The following DMD variants were observed in gnomAD, a reference collection of about 807,000 sequenced individuals.
DMD encodes the protein dystrophin, also known as mutant dystrophin.
Under a neutral mutation model 330.1 loss-of-function variants are expected in DMD, and 63 were observed. The ratio of observed to expected loss-of-function variants is 0.19; its 90% CI spans 0.16 to 0.24. The LOEUF is 0.24. Among genes scored for constraint, DMD ranks in the 10% least tolerant of loss-of-function variants. The pLI is 1.00. For missense variants in DMD, 3,344 were observed against 2,684.1 expected, an observed-to-expected ratio of 1.25 and a Z score of -5.43; for synonymous variants, 1,223 against 959.8, an observed-to-expected ratio of 1.27 and a Z score of -5.07.
chrX:31,663,349 C>A (rs2081242399), intron 53 of DMD, among the ~76,000 whole-genome samples: 2 of 110,737 alleles, frequency 1.8e-5, no homozygotes, highest in Admixed American at 1.9e-4. Flanking sequence ...CCTGAAGTTG[C>A]TAAACTCTGG....
intron 9 of DMD, among the ~76,000 whole-genome samples, chrX:32,649,571 A>C (rs2060009543): frequency 9.4e-6 from 1 of 106,299 alleles, no homozygotes. Flanking sequence ...AAAAAAAAAA[A>C]AAAAAAAAAA....
intron 20 of DMD, among the ~76,000 whole-genome samples, chrX:32,487,416 T>A (rs1336145803): frequency 9.0e-6 from 1 of 111,231 alleles, no homozygotes; most frequent in African/African-American, 3.3e-5. Flanking sequence ...AATTGAAATT[T>A]AAAAATTGGA....
At chrX:31,686,618 G>A (rs1307447213) in intron 52 of DMD, among the ~76,000 whole-genome samples, 1 of 111,867 alleles carries the variant, frequency 8.9e-6, no homozygotes, top group Non-Finnish European at 1.9e-5. Flanking sequence ...AAAAGATATG[G>A]GAGGGTCAAA....
intron 9 of DMD, among the ~76,000 whole-genome samples, chrX:32,680,324 G>A (rs191198626): frequency 9.0e-6 from 1 of 111,216 alleles, no homozygotes; most frequent in African/African-American, 3.3e-5. Context: ...ACATCACTAA[G>A]AACTTCAAAT....
At chrX:31,253,756 C>A (rs2049646237) in intron 63 of DMD, among the ~76,000 whole-genome samples, 1 of 111,816 alleles carries the variant, frequency 8.9e-6, no homozygotes, top group South Asian at 3.8e-4. Context: ...CCCAGCAGAC[C>A]CTAAAATTAA....
rs757285608 is a variant in DMD, at chrX:33,219,854, A to G, written c.7+119405T>C. Among the ~76,000 whole-genome samples the G allele has an allele frequency of 5.4e-5, 6 of 111,453 alleles. No individual in the cohort carries two copies. The East Asian group carries it at 8.5e-4, about 16-fold the overall frequency. ...ATGGGGTATTAGTGAAGATCCTGGT[A>G]GGAAATATAGGTAGCAGATTCAAAA... On this transcript the variant is annotated intron_variant, in intron 1 of 17. Transcript: ENST00000288447.
chrX:31,955,848 A>G (rs140821300), intron 45 of DMD, among the ~76,000 whole-genome samples: 1 of 112,087 alleles, frequency 8.9e-6, no homozygotes, highest in Non-Finnish European at 1.9e-5. Flanking sequence ...GAAGCTACAT[A>G]TGTAGGTCTA....
intron 1 of DMD, among the ~76,000 whole-genome samples, chrX:33,277,822 TAGAGACCAG>T (rs2053259795): frequency 9.0e-6 from 1 of 111,392 alleles, no homozygotes; most frequent in Non-Finnish European, 1.9e-5. Context: ...GTTACACAAA[TAGAGACCAG>T]ATGCAGTGGC....
At chrX:32,701,145 A>G (rs1019173243) in intron 7 of DMD, among the ~76,000 whole-genome samples, 34 of 112,017 alleles carry the variant, frequency 3.0e-4, no homozygotes, top group African/African-American at 1.1e-3. Context: ...GGAGCTCTGC[A>G]TTTGCAATAG....
intron 29 of DMD, among the ~76,000 whole-genome samples, chrX:32,428,919 T>C (rs2098224383): frequency 8.9e-6 from 1 of 111,766 alleles, no homozygotes; most frequent in African/African-American, 3.2e-5. Context: ...GCCAGGTATG[T>C]ACAAGTTTTA....
chrX:32,189,075 A>G (rs1384533302), intron 44 of DMD, among the ~76,000 whole-genome samples: 2 of 111,059 alleles, frequency 1.8e-5, no homozygotes, highest in African/African-American at 6.5e-5. Context: ...AAAAGCTATT[A>G]TGTATCTATT....
chrX:31,434,409 AGC>A (rs1235059344), intron 60 of DMD, among the ~76,000 whole-genome samples: 6 of 61,302 alleles, frequency 9.8e-5, no homozygotes, highest in African/African-American at 1.6e-4. Context: ...CCCTTACTGC[AGC>A]GCGCGCGCAC....
Position 32,499,316 on chromosome X carries a change from C to G in DMD, c.2380+2439G>C, listed in dbSNP as rs182807166. Among the ~76,000 whole-genome samples, 271 of 111,542 alleles carry G rather than the reference C, an allele frequency of 2.4e-3. 1 individual carries two copies. The highest frequency in any genetic ancestry group is 8.5e-3 in the African/African-American group (263 of 30,886). Reference sequence around the variant, plus strand: ...CTATAATAGCTATACTTATGCTATTCTACATATTTTTACACTATGAATATA... The same window carrying G: ...CTATAATAGCTATACTTATGCTATTGTACATATTTTTACACTATGAATATA... On this transcript the variant is annotated intron_variant, in intron 19 of 78. Transcript: ENST00000357033.
intron 44 of DMD, among the ~76,000 whole-genome samples, chrX:32,088,081 A>G (rs2096452247): frequency 8.9e-6 from 1 of 112,521 alleles, no homozygotes; most frequent in Non-Finnish European, 1.9e-5. Flanking sequence ...CCATTAGCAA[A>G]TCATTTAACT....
At chrX:31,712,334 AT>A (rs1403246822) in intron 52 of DMD, among the ~76,000 whole-genome samples, 1 of 111,014 alleles carries the variant, frequency 9.0e-6, no homozygotes, top group Non-Finnish European at 1.9e-5. Flanking sequence ...ATAGCTAAAG[AT>A]AATTAGAATG....
chrX:32,026,555 G>T (rs2095846984), intron 44 of DMD, among the ~76,000 whole-genome samples: 1 of 112,527 alleles, frequency 8.9e-6, no homozygotes, highest in South Asian at 3.7e-4. Flanking sequence ...AGCTGCCTGA[G>T]ATTTAATATG....
In DMD at chrX:32,342,998, C is replaced by T; in HGVS notation, c.5739+136G>A. ...AATACAATACATTTACTGAAAACAACACACAATACAAGGAAATGCATCAAA... is the reference window on the plus strand; with the variant it reads ...AATACAATACATTTACTGAAAACAATACACAATACAAGGAAATGCATCAAA... On this transcript the variant is annotated intron_variant, in intron 40 of 78. Transcript: ENST00000357033. 5 of 632,632 alleles carry T rather than the reference C, an allele frequency of 7.9e-6. No individual in the cohort carries two copies. The South Asian group carries it at 1.2e-4, about 15-fold the overall frequency. The allele number at this position is 632,632 out of a possible 1,213,427, so 52.1% of individuals were successfully genotyped here. A position where few individuals can be genotyped will look rare whatever the true frequency, so the allele number is the denominator to read the frequency against.
intron 2 of DMD, among the ~76,000 whole-genome samples, chrX:32,886,712 T>A (rs1011887622): frequency 3.6e-5 from 4 of 111,513 alleles, no homozygotes; most frequent in African/African-American, 1.3e-4. Flanking sequence ...TTTGACCTAA[T>A]AATTTCATGC....
chrX:32,649,560 A>T (rs972487619), intron 9 of DMD, among the ~76,000 whole-genome samples: 3 of 69,346 alleles, frequency 4.3e-5, no homozygotes, highest in Non-Finnish European at 9.0e-5. Flanking sequence ...CGTCTCTTTT[A>T]AAAAAAAAAA....
Sources: allele counts gnomAD v4.1 joint callset (sites outside exome capture counted in the v4.1 genomes callset), GRCh38; gene constraint gnomAD v4.1.1; transcripts MANE v1.5; gene names NCBI Gene and HGNC (gene_info 2026-07-23, HGNC 2026-07-21).